GPC5: variants seen among roughly 807,000 people sequenced by gnomAD.
GPC5 encodes glypican-5.
GPC5 carries 47 observed loss-of-function variants against 53.9 expected under a neutral mutation model. The observed-to-expected ratio is 0.87, with a 90% CI of 0.69 to 1.11. The LOEUF (loss-of-function observed/expected upper bound fraction) is 1.11, where lower values mean the gene tolerates loss of function less well. Ranked by LOEUF, GPC5 falls within the 50% of genes most tolerant of loss-of-function variation. The pLI, the probability that GPC5 is intolerant of heterozygous loss-of-function variation, is 0.00. For missense variants in GPC5, 748 were observed against 713.1 expected (o/e 1.05, Z -0.56); for synonymous variants, 286 against 263.3 (o/e 1.09, Z -0.84).
chr13:91,774,579 T>C (rs1334285868), intron 5 of GPC5, among the ~76,000 whole-genome samples: 2 of 152,102 alleles, frequency 1.3e-5, no homozygotes, highest in African/African-American at 4.8e-5. Flanking sequence ...TATTCCCATC[T>C]CCACTCTCCC....
chr13:92,462,702 T>A (rs781437374), intron 7 of GPC5, among the ~76,000 whole-genome samples: 1 of 150,014 alleles, frequency 6.7e-6, no homozygotes, highest in East Asian at 2.0e-4. Context: ...AAACAAATTT[T>A]GTGTTTTGTT....
Position 92,660,227 on chromosome 13 carries a change from G to A in GPC5, c.1562-206055G>A, listed in dbSNP as rs375043127. ...CAATTTGTTTATGTTCTTGAGTCAC[G>A]TATTTCATTCATTTTGGATGCTTGA... On this transcript the variant is annotated intron_variant, in intron 7 of 7. Coordinates refer to ENST00000377067, the MANE Select transcript of GPC5 (RefSeq NM_004466.6). Among the ~76,000 whole-genome samples, 14 of 152,062 alleles carry A rather than the reference G, an allele frequency of 9.2e-5. No individual in the cohort carries two copies. The East Asian group carries it at 1.5e-3, about 17-fold the overall frequency.
intron 7 of GPC5, among the ~76,000 whole-genome samples, chr13:92,781,691 G>A (rs1876028531): frequency 6.6e-6 from 1 of 152,134 alleles, no homozygotes. Context: ...AAATAAGGAT[G>A]CATAAAATAA....
intron 2 of GPC5, among the ~76,000 whole-genome samples, chr13:91,667,606 C>T (rs2035147239): frequency 6.6e-6 from 1 of 152,254 alleles, no homozygotes; most frequent in Middle Eastern, 3.4e-3. Context: ...GTCTCTCCCC[C>T]ATATCTCCCT....
intron 7 of GPC5, among the ~76,000 whole-genome samples, chr13:92,393,856 C>A (rs1423945397): frequency 6.6e-6 from 1 of 152,036 alleles, no homozygotes; most frequent in Non-Finnish European, 1.5e-5. Flanking sequence ...TACACCGAAA[C>A]CTAAAATAAA....
At chr13:92,173,388 C>G (rs1009348604) in intron 7 of GPC5, among the ~76,000 whole-genome samples, 1 of 152,208 alleles carries the variant, frequency 6.6e-6, no homozygotes, top group Non-Finnish European at 1.5e-5. Context: ...CTCTGCTGCT[C>G]TGACCCCATT....
At chr13:91,429,601 C>T (rs919252441) in intron 1 of GPC5, among the ~76,000 whole-genome samples, 4 of 151,912 alleles carry the variant, frequency 2.6e-5, no homozygotes, top group Admixed American at 6.6e-5. Context: ...CTCACCTGGG[C>T]GAGAAATAGT....
intron 7 of GPC5, among the ~76,000 whole-genome samples, chr13:92,614,886 G>C (rs1480896356): frequency 2.0e-5 from 3 of 152,180 alleles, no homozygotes; most frequent in African/African-American, 7.2e-5. Flanking sequence ...GATTTCTCTA[G>C]AAACATCTTT....
At chr13:92,019,648 A>G (rs143193533) in intron 6 of GPC5, among the ~76,000 whole-genome samples, 5 of 152,204 alleles carry the variant, frequency 3.3e-5, no homozygotes, top group African/African-American at 9.6e-5. Flanking sequence ...TTATATCACT[A>G]TGATGCATGT....
intron 7 of GPC5, among the ~76,000 whole-genome samples, chr13:92,296,535 C>A (rs993706296): frequency 3.3e-5 from 5 of 152,180 alleles, no homozygotes; most frequent in African/African-American, 1.2e-4. Flanking sequence ...GCTCTCAGCA[C>A]CACCCCTGCC....
At chr13:92,516,406 T>A (rs1289288282) in intron 7 of GPC5, among the ~76,000 whole-genome samples, 3 of 152,180 alleles carry the variant, frequency 2.0e-5, no homozygotes, top group Admixed American at 2.0e-4. Flanking sequence ...GTAGACCCAC[T>A]AATGCACTTG....
chr13:91,980,141 A>G (rs1470302334), intron 6 of GPC5, among the ~76,000 whole-genome samples: 1 of 152,208 alleles, frequency 6.6e-6, no homozygotes, highest in African/African-American at 2.4e-5. Context: ...ACAGAAATCC[A>G]ACACTGTGAC....
At chr13:92,097,801 C>A (rs978404738) in intron 6 of GPC5, among the ~76,000 whole-genome samples, 1 of 152,112 alleles carries the variant, frequency 6.6e-6, no homozygotes, top group African/African-American at 2.4e-5. Context: ...ACTGTAAATG[C>A]ATGCTATATT....
chr13:91,583,345 C>T (rs763291375), intron 2 of GPC5, among the ~76,000 whole-genome samples: 4 of 152,000 alleles, frequency 2.6e-5, no homozygotes, highest in Admixed American at 6.6e-5. Context: ...TGAATTTAGC[C>T]AAGGTTGTGA....
At chr13:92,850,020 C>A (rs893173276) in intron 7 of GPC5, among the ~76,000 whole-genome samples, 1 of 152,114 alleles carries the variant, frequency 6.6e-6, no homozygotes, top group Non-Finnish European at 1.5e-5. Flanking sequence ...GGCAAGACCC[C>A]GGAAATGTTC....
intron 7 of GPC5, among the ~76,000 whole-genome samples, chr13:92,694,649 A>T (rs1353594717): frequency 1.3e-5 from 2 of 152,142 alleles, no homozygotes; most frequent in African/African-American, 4.8e-5. Flanking sequence ...GAAGTAACTA[A>T]TTTGTGTTTG....
At chr13:92,313,910 T>C (rs9584014) in intron 7 of GPC5, among the ~76,000 whole-genome samples, 17,145 of 152,190 alleles carry the variant, frequency 0.11, 1,482 homozygotes, top group African/African-American at 0.25. Flanking sequence ...GATTTTTCCA[T>C]ATCCAGATAT....
chr13:92,660,282 T>G (rs1473263006), intron 7 of GPC5, among the ~76,000 whole-genome samples: 1 of 152,182 alleles, frequency 6.6e-6, no homozygotes, highest in African/African-American at 2.4e-5. Flanking sequence ...ATACAATTCA[T>G]GTACCTAATG....
intron 2 of GPC5, among the ~76,000 whole-genome samples, chr13:91,465,392 A>G (rs1351958531): frequency 1.3e-5 from 2 of 152,120 alleles, no homozygotes; most frequent in Non-Finnish European, 2.9e-5. Context: ...CTTTTCCAGA[A>G]TGTTATGTAA....
Sources: gnomAD v4.1 joint callset for allele counts (sites outside exome capture counted in the v4.1 genomes callset) on GRCh38, gnomAD v4.1.1 for gene constraint, MANE v1.5 for transcripts, NCBI Gene and HGNC (gene_info 2026-07-23, HGNC 2026-07-21) for gene names.